OTUD7A: variants seen among roughly 807,000 people sequenced by gnomAD.
OTUD7A encodes the protein OTU domain-containing protein 7A.
OTUD7A carries 12 observed loss-of-function variants against 65.7 expected under a neutral mutation model. The observed-to-expected ratio is 0.18, with a 90% CI of 0.12 to 0.30. The LOEUF (loss-of-function observed/expected upper bound fraction) is 0.30. Ranked by LOEUF, OTUD7A falls within the 10% of genes least tolerant of loss-of-function variation. OTUD7A has a pLI of 1.00. For synonymous variants in OTUD7A, 641 were observed against 586.3 expected (o/e 1.09, Z -1.35); for missense variants, 1,148 against 1,304.8 (o/e 0.88, Z 1.85).
chr15:31,822,702 T>C (rs1354139051), intron 1 of OTUD7A, among the ~76,000 whole-genome samples: 1 of 152,132 alleles, frequency 6.6e-6, no homozygotes, highest in Non-Finnish European at 1.5e-5. Flanking sequence ...ATAAGAGAGA[T>C]CAGCAATTGT....
chr15:31,671,574 A>AT (rs1486154067), intron 1 of OTUD7A, among the ~76,000 whole-genome samples: 1 of 151,964 alleles, frequency 6.6e-6, no homozygotes, highest in Non-Finnish European at 1.5e-5. Flanking sequence ...CTTTCATACT[A>AT]TTTTTTTCAT....
intron 3 of OTUD7A, among the ~76,000 whole-genome samples, chr15:31,634,169 G>A (rs35546743): frequency 0.29 from 43,809 of 151,992 alleles, 7,479 homozygotes; most frequent in African/African-American, 0.47. Flanking sequence ...GAAGTACCCC[G>A]TGAAGGCACA....
intron 1 of OTUD7A, among the ~76,000 whole-genome samples, chr15:31,671,925 C>A (rs1892493970): frequency 6.6e-6 from 1 of 152,160 alleles, no homozygotes; most frequent in Non-Finnish European, 1.5e-5. Context: ...TTCCCACCCT[C>A]CATCCTCAAG....
chr15:31,499,477 G>A (rs1386779747), intron 10 of OTUD7A, among the ~76,000 whole-genome samples: 2 of 152,186 alleles, frequency 1.3e-5, no homozygotes, highest in African/African-American at 2.4e-5. Context: ...AGCTCATCCT[G>A]GAAGCTGCAG....
chr15:31,539,080 G>A (rs990069289), intron 5 of OTUD7A, among the ~76,000 whole-genome samples: 1 of 152,186 alleles, frequency 6.6e-6, no homozygotes, highest in Non-Finnish European at 1.5e-5. Context: ...AGAGACTGAG[G>A]ATTCTTCTTT....
intron 3 of OTUD7A, among the ~76,000 whole-genome samples, chr15:31,627,831 C>T (rs1359454144): frequency 6.6e-6 from 1 of 152,194 alleles, no homozygotes. Flanking sequence ...TTGCATTTCT[C>T]TGATGGTCAG....
intron 1 of OTUD7A, among the ~76,000 whole-genome samples, chr15:31,718,187 A>G (rs1475303450): frequency 2.6e-5 from 4 of 152,198 alleles, no homozygotes; most frequent in African/African-American, 9.7e-5. Context: ...GGTGATGTGC[A>G]TCAGGTCCCA....
In OTUD7A at chr15:31,714,542, GT is replaced by G. The variant is rs539159215; in HGVS notation, c.-99-57466del. Among the ~76,000 whole-genome samples the G allele has an allele frequency of 9.2e-5, 14 of 152,226 alleles. No individual in the cohort carries two copies. In the South Asian group the frequency reaches 2.9e-3, roughly 32 times the overall value. ...TTTACATTTTTTTATAATTCATGAA[GT>G]TGTACATTTGATGTGCATTTTTCTG... On this transcript the variant is annotated intron_variant, in intron 1 of 12. Transcript: ENST00000307050.
chr15:31,551,154 G>A (rs550356226), intron 5 of OTUD7A, among the ~76,000 whole-genome samples: 4 of 152,254 alleles, frequency 2.6e-5, no homozygotes, highest in African/African-American at 7.2e-5. Context: ...AGACGTGACC[G>A]CCCTGAAAAG....
chr15:31,561,784 T>TCTCACACACACACA (rs1555396642), intron 4 of OTUD7A, among the ~76,000 whole-genome samples: 26 of 150,424 alleles, frequency 1.7e-4, no homozygotes, highest in Non-Finnish European at 3.5e-4. Context: ...ACACACAGAG[T>TCTCACACACACACA]CACACACACA....
chr15:31,693,071 G>C (rs1180502678), intron 1 of OTUD7A, among the ~76,000 whole-genome samples: 1 of 152,232 alleles, frequency 6.6e-6, no homozygotes, highest in East Asian at 1.9e-4. Context: ...TCTCAGGAAG[G>C]TGCAGGAGAG....
At chr15:31,735,973 T>C (rs1185013431) in intron 1 of OTUD7A, among the ~76,000 whole-genome samples, 4 of 152,098 alleles carry the variant, frequency 2.6e-5, no homozygotes, top group African/African-American at 9.7e-5. Context: ...GAAAATCAAA[T>C]ACCACATGTT....
chr15:31,769,411 A>G (rs1452909185), intron 1 of OTUD7A, among the ~76,000 whole-genome samples: 1 of 152,242 alleles, frequency 6.6e-6, no homozygotes, highest in Non-Finnish European at 1.5e-5. Context: ...GGCAGTTTTT[A>G]AATAAAATTA....
intron 3 of OTUD7A, among the ~76,000 whole-genome samples, chr15:31,635,477 A>G (rs1302188999): frequency 2.6e-5 from 4 of 152,194 alleles, no homozygotes; most frequent in Admixed American, 1.3e-4. Flanking sequence ...CCAGCAGCCA[A>G]TGGAACCAGG....
At chr15:31,714,699 A>C in intron 1 of OTUD7A, among the ~76,000 whole-genome samples, 1 of 152,184 alleles carries the variant, frequency 6.6e-6, no homozygotes, top group Non-Finnish European at 1.5e-5. Context: ...ATTTTTGAAA[A>C]ACAGCATTAC....
At chr15:31,788,775 C>T (rs1895739318) in intron 1 of OTUD7A, among the ~76,000 whole-genome samples, 1 of 152,204 alleles carries the variant, frequency 6.6e-6, no homozygotes, top group South Asian at 2.1e-4. Context: ...GAAAGGTACC[C>T]CAAAGCTATC....
At chr15:31,554,953 G>A (rs1888442982) in intron 5 of OTUD7A, among the ~76,000 whole-genome samples, 1 of 152,220 alleles carries the variant, frequency 6.6e-6, no homozygotes, top group South Asian at 2.1e-4. Context: ...TGAGGTGGGA[G>A]TGGGTTGTGT....
rs1319716018 is a variant in OTUD7A, at chr15:31,511,041, C to CATATAT, written c.894-7224_894-7223insATATAT. Among the ~76,000 whole-genome samples the CATATAT allele has an allele frequency of 6.5e-3, 89 of 13,690 alleles. 1 individual carries two copies. The highest frequency in any genetic ancestry group is 8.5e-3 in the Non-Finnish European group (73 of 8,568). The allele number at this position is 13,690 out of a possible 152,430, so 9.0% of individuals were successfully genotyped here. ...TACATGTATATCTATATGTAACATA[C>CATATAT]ATGTATATCTATATGTAACATACAT... On this transcript the variant is annotated intron_variant, in intron 8 of 12. Coordinates refer to ENST00000307050, the MANE Select transcript of OTUD7A (RefSeq NM_001382637.1).
intron 3 of OTUD7A, among the ~76,000 whole-genome samples, chr15:31,643,699 A>C (rs948995522): frequency 6.6e-6 from 1 of 152,220 alleles, no homozygotes; most frequent in African/African-American, 2.4e-5. Flanking sequence ...TGAGTGCCAG[A>C]CAGCAAGACT....
Sources: gnomAD v4.1 joint callset for allele counts (sites outside exome capture counted in the v4.1 genomes callset) on GRCh38, gnomAD v4.1.1 for gene constraint, MANE v1.5 for transcripts, NCBI Gene and HGNC (gene_info 2026-07-23, HGNC 2026-07-21) for gene names.